The following ASIC2 variants were observed in gnomAD, a reference collection of about 807,000 sequenced individuals.
ASIC2 encodes acid sensing ion channel subunit 2.
A neutral mutation model predicts 57.3 loss-of-function variants in ASIC2; 25 were observed. That is an observed-to-expected ratio of 0.44 (90% CI 0.32 to 0.61). The LOEUF (loss-of-function observed/expected upper bound fraction) is 0.61, where lower values mean the gene tolerates loss of function less well. ASIC2 is among the 20% of genes least tolerant of loss of function. ASIC2 has a pLI of 0.06. For missense variants in ASIC2, 641 were observed against 738.1 expected (o/e 0.87, Z 1.52); for synonymous variants, 319 against 307.5 (o/e 1.04, Z -0.39).
Position 33,284,459 on chromosome 17 carries a change from T to G in ASIC2, c.708+6949A>C, listed in dbSNP as rs142690645. Among the ~76,000 whole-genome samples, 185 of 152,294 alleles carry G rather than the reference T, an allele frequency of 1.2e-3. 2 individuals carry two copies. The highest frequency in any genetic ancestry group is 4.3e-3 in the African/African-American group (177 of 41,560). On this transcript the variant is annotated intron_variant, in intron 1 of 9. Transcript: ENST00000225823. ...GTCTGAGGGCAGAGGAGGATGCAAATTCATTACTGATCTTGTCCTCTTACG... is the reference window on the plus strand; with the variant it reads ...GTCTGAGGGCAGAGGAGGATGCAAAGTCATTACTGATCTTGTCCTCTTACG...
chr17:33,587,578 C>G (rs1454795486), intron 1 of ASIC2, among the ~76,000 whole-genome samples: 1 of 152,178 alleles, frequency 6.6e-6, no homozygotes, highest in Non-Finnish European at 1.5e-5. Context: ...CCATGATTGG[C>G]TTAGATTGGC....
chr17:33,852,207 T>C (rs1768522756), intron 1 of ASIC2, among the ~76,000 whole-genome samples: 1 of 152,268 alleles, frequency 6.6e-6, no homozygotes, highest in Admixed American at 6.5e-5. Context: ...AGAGCTCATT[T>C]TCCTTCCATG....
intron 1 of ASIC2, among the ~76,000 whole-genome samples, chr17:33,603,439 A>G (rs1393852630): frequency 1.3e-5 from 2 of 152,210 alleles, no homozygotes; most frequent in African/African-American, 4.8e-5. Flanking sequence ...CCCCTGGGAA[A>G]AGGTGCTTTT....
At chr17:33,624,585 T>C (rs1466122183) in intron 1 of ASIC2, among the ~76,000 whole-genome samples, 3 of 152,348 alleles carry the variant, frequency 2.0e-5, no homozygotes, top group South Asian at 2.1e-4. Context: ...TTCTTACTGA[T>C]GCTGGAGAAG....
rs1010987583 is a variant in ASIC2, at chr17:33,050,611, A to G, written c.988-22219T>C. ...GATGTCTTTCCTGCTGCTCTGATGA[A>G]GTGGTCTTTGAAGTGAAACATCCCC... On this transcript the variant is annotated intron_variant, in intron 3 of 9. Transcript: ENST00000225823. Among the ~76,000 whole-genome samples the G allele has an allele frequency of 3.9e-5, 6 of 152,310 alleles. No individual in the cohort carries two copies. In the South Asian group the frequency reaches 1.2e-3, roughly 32 times the overall value.
chr17:33,466,558 A>G (rs565235517), intron 1 of ASIC2, among the ~76,000 whole-genome samples: 28 of 152,240 alleles, frequency 1.8e-4, no homozygotes, highest in Non-Finnish European at 3.7e-4. Context: ...TGGAAAAAGA[A>G]CAAAGCTGGA....
intron 1 of ASIC2, among the ~76,000 whole-genome samples, chr17:33,594,768 C>G (rs1904930953): frequency 1.3e-5 from 2 of 150,096 alleles, no homozygotes; most frequent in African/African-American, 4.9e-5. Context: ...GTGGAGCTTG[C>G]AGTGAGCCTA....
chr17:33,160,058 A>G (rs1423708225), intron 1 of ASIC2, among the ~76,000 whole-genome samples: 1 of 151,814 alleles, frequency 6.6e-6, no homozygotes, highest in East Asian at 1.9e-4. Context: ...AAAATAAACA[A>G]ATTAGCCAGG....
At chr17:33,433,499 T>C (rs1408808443) in intron 1 of ASIC2, among the ~76,000 whole-genome samples, 1 of 152,184 alleles carries the variant, frequency 6.6e-6, no homozygotes, top group Admixed American at 6.5e-5. Flanking sequence ...CTCACGCCTG[T>C]AATCCCAGCA....
intron 1 of ASIC2, among the ~76,000 whole-genome samples, chr17:34,016,142 T>C (rs540973992): frequency 1.3e-5 from 2 of 152,280 alleles, no homozygotes; most frequent in African/African-American, 4.8e-5. Context: ...CAACTGCCCA[T>C]GGCCAGGCAC....
intron 1 of ASIC2, among the ~76,000 whole-genome samples, chr17:33,626,503 T>C (rs1007144545): frequency 3.3e-5 from 5 of 152,168 alleles, no homozygotes; most frequent in Admixed American, 6.5e-5. Flanking sequence ...AAGTGAACAG[T>C]CACTATTTAA....
At position 33,376,746 on chromosome 17, in the gene ASIC2, CCTT is replaced by C. The variant is rs751865860; in HGVS notation, c.556-264682_556-264680del. On this transcript the variant is annotated intron_variant, in intron 1 of 9. Coordinates refer to the ASIC2 transcript ENST00000359872. ...TTAACCAACTTATCTGAGCAATTAT[CCTT>C]CTCCTCCTGCTCCTCTGCCATTGCT... is the stretch of plus-strand genomic sequence containing the variant. 6.6e-5 allele frequency among the ~76,000 whole-genome samples: 10 copies of C among 152,336 alleles called. No homozygotes were observed. In the East Asian group the frequency reaches 1.5e-3, roughly 24 times the overall value.
intron 1 of ASIC2, among the ~76,000 whole-genome samples, chr17:33,443,453 G>T (rs7222687): frequency 1.7e-5 from 2 of 120,544 alleles, no homozygotes; most frequent in African/African-American, 3.2e-5. Context: ...TCGCTCTGTC[G>T]CCCAGGCTGG....
chr17:33,958,434 A>G (rs1289822236), intron 1 of ASIC2, among the ~76,000 whole-genome samples: 1 of 152,006 alleles, frequency 6.6e-6, no homozygotes, highest in African/African-American at 2.4e-5. Flanking sequence ...AGGCATTTCC[A>G]TACATCTAGG....
rs570783948 is a variant in ASIC2, at chr17:33,862,135, C to T, written c.555+293843G>A. On this transcript the variant is annotated intron_variant, in intron 1 of 9. Transcript: ENST00000359872. ...TTCTCTGCCTTGCAAGAGCAAGAGG[C>T]CCCATCCTTCAATGTCCAGCTAACA... 2.6e-5 allele frequency among the ~76,000 whole-genome samples: 4 copies of T among 152,332 alleles called. No individual in the cohort carries two copies. In the East Asian group the frequency reaches 7.7e-4, roughly 29 times the overall value.
chr17:33,999,558 A>G (rs9895289), intron 1 of ASIC2, among the ~76,000 whole-genome samples: 9,908 of 152,196 alleles, frequency 0.065, 554 homozygotes, highest in East Asian at 0.23. Context: ...TGTGGTTACC[A>G]TAAGTCTTAC....
intron 7 of ASIC2, 42 bp downstream of exon 7, chr17:33,021,177 C>T (rs781528051): frequency 3.0e-6 from 3 of 1,016,906 alleles, no homozygotes; most frequent in African/African-American, 1.6e-5. Context: ...CCCTCCCACC[C>T]TCTATGAGAT....
At chr17:33,240,214 T>A (rs1195408021) in intron 1 of ASIC2, among the ~76,000 whole-genome samples, 1 of 152,110 alleles carries the variant, frequency 6.6e-6, no homozygotes, top group Non-Finnish European at 1.5e-5. Flanking sequence ...CCCAAGTTGT[T>A]TTGGTGGAGC....
At chr17:34,001,871 T>C (rs1906355905) in intron 1 of ASIC2, 1 of 152,274 alleles carries the variant, frequency 6.6e-6, no homozygotes, top group African/African-American at 2.4e-5. Context: ...TGGATAGTTG[T>C]TCAAATTGAT....
Sources: allele counts gnomAD v4.1 joint callset (sites outside exome capture counted in the v4.1 genomes callset), GRCh38; gene constraint gnomAD v4.1.1; transcripts MANE v1.5; gene names NCBI Gene and HGNC (gene_info 2026-07-23, HGNC 2026-07-21).